Variants in ARRDC5 observed in about 807,000 individuals in gnomAD.
ARRDC5 encodes the protein arrestin domain containing 5.
Under a neutral mutation model 13.3 loss-of-function variants are expected in ARRDC5, and 12 were observed. That is an observed-to-expected ratio of 0.90 (90% CI 0.58 to 1.46). The LOEUF (loss-of-function observed/expected upper bound fraction) is 1.46, where lower values mean the gene tolerates loss of function less well. ARRDC5 is among the 40% of genes most tolerant of loss of function. The probability of loss-of-function intolerance (pLI) is 0.00; values close to 1 mark genes in which losing one functional copy is unlikely to be tolerated. For synonymous variants in ARRDC5, 181 were observed against 173.4 expected (o/e 1.04, Z -0.34); for missense variants, 406 against 418.7 (o/e 0.97, Z 0.26).
the ARRDC5 span, among the ~76,000 whole-genome samples, chr19:4,914,414 T>G: frequency 1.3e-5 from 2 of 152,064 alleles, no homozygotes; most frequent in Non-Finnish European, 2.9e-5. Context: ...TTTCCCTGTT[T>G]AAAGAAACCT....
chr19:4,904,936 T>G (rs1226464808), upstream of ARRDC5, among the ~76,000 whole-genome samples: 1 of 152,118 alleles, frequency 6.6e-6, no homozygotes, highest in African/African-American at 2.4e-5. Context: ...GTACCCATTC[T>G]CTAGCCTGGC....
intron 2 of ARRDC5, among the ~76,000 whole-genome samples, chr19:4,895,952 G>A (rs1282886432): frequency 6.6e-6 from 1 of 152,214 alleles, no homozygotes; most frequent in African/African-American, 2.4e-5. Flanking sequence ...ATTGCCAAAT[G>A]TCCCTTATGG....
chr19:4,913,737 C>G, the ARRDC5 span, among the ~76,000 whole-genome samples: 1 of 151,206 alleles, frequency 6.6e-6, no homozygotes, highest in Non-Finnish European at 1.5e-5. Flanking sequence ...TGAAAAGATT[C>G]AGTGTTCCTG....
the ARRDC5 span, chr19:4,909,370 G>A: frequency 5.5e-5 from 34 of 614,082 alleles, no homozygotes; most frequent in South Asian, 5.5e-4. Context: ...GGACAGAGGC[G>A]GGGGCGCCCC....
At chr19:4,896,960 T>A in intron 1 of ARRDC5, 84 bp from the exon 2 acceptor site, 1 of 986,692 alleles carries the variant, frequency 1.0e-6, no homozygotes, top group Non-Finnish European at 1.5e-6. Context: ...TTTATTTTTA[T>A]ATTTATTTAT....
At chr19:4,912,165 G>A in the ARRDC5 span, among the ~76,000 whole-genome samples, 1 of 152,134 alleles carries the variant, frequency 6.6e-6, no homozygotes, top group African/African-American at 2.4e-5. Context: ...GCCCTGCCCC[G>A]GGAGGAGGCG....
At chr19:4,913,557 G>T in the ARRDC5 span, among the ~76,000 whole-genome samples, 23 of 151,834 alleles carry the variant, frequency 1.5e-4, no homozygotes, top group Admixed American at 2.6e-4. Context: ...ACCCAGCCAC[G>T]TACATTGTGC....
intron 1 of ARRDC5, among the ~76,000 whole-genome samples, chr19:4,897,992 T>C (rs1357325573): frequency 6.6e-6 from 1 of 151,918 alleles, no homozygotes; most frequent in Non-Finnish European, 1.5e-5. Flanking sequence ...GAGGCTGAGG[T>C]GGGAGGATAG....
rs532735899 is a variant in ARRDC5 at position 4,900,291 on chromosome 19, T to C, written c.253+2282A>G. Among the ~76,000 whole-genome samples the C allele has an allele frequency of 1.7e-4, 26 of 151,866 alleles. No homozygotes were observed. The South Asian group carries it at 5.4e-3, about 32-fold the overall frequency. ...GCTTCTTGAGCAGCTGTATTTTTTGTATTTTTAGTAGAGACGGGGTTTCAC... is the reference window on the plus strand; with the variant it reads ...GCTTCTTGAGCAGCTGTATTTTTTGCATTTTTAGTAGAGACGGGGTTTCAC... On this transcript the variant is annotated intron_variant, in intron 1 of 2. Coordinates refer to ENST00000650722, the MANE Select transcript of ARRDC5 (RefSeq NM_001080523.3).
the ARRDC5 span, chr19:4,909,436 GC>G: frequency 3.1e-6 from 2 of 651,406 alleles, no homozygotes; most frequent in South Asian, 1.6e-5. Flanking sequence ...GCAGGCGCCC[GC>G]CCCCGGCACG....
At chr19:4,893,403 G>A (rs2031584672) in intron 2 of ARRDC5, among the ~76,000 whole-genome samples, 1 of 149,536 alleles carries the variant, frequency 6.7e-6, no homozygotes, top group Non-Finnish European at 1.5e-5. Flanking sequence ...CTACTCAGGA[G>A]GCTGAGGCAG....
chr19:4,896,341 T>TAG (rs1404104273), intron 2 of ARRDC5, among the ~76,000 whole-genome samples: 1 of 78,880 alleles, frequency 1.3e-5, no homozygotes, highest in African/African-American at 7.0e-5. Context: ...TATATATATA[T>TAG]ATATATATTT....
intron 1 of ARRDC5, among the ~76,000 whole-genome samples, chr19:4,899,718 AG>A: frequency 6.9e-6 from 1 of 145,108 alleles, no homozygotes. Flanking sequence ...TCATGAGGTC[AG>A]GAGATCGAGA....
chr19:4,911,170 AAGG>A, the ARRDC5 span: 8 of 863,510 alleles, frequency 9.3e-6, no homozygotes, highest in African/African-American at 7.1e-5. Flanking sequence ...TCTCTCCCGG[AAGG>A]AGAAGTCCAC....
In ARRDC5 at chr19:4,890,917, T is replaced by C. The variant is rs960898877; in HGVS notation, c.*129A>G. 4.2e-6 allele frequency: 3 copies of C among 707,366 alleles called. No individual in the cohort carries two copies. Among genetic ancestry groups the C allele is most frequent in the Non-Finnish European group, 7.1e-6 (3 of 424,798 alleles). The allele number at this position is 707,366 out of a possible 1,614,324, so 43.8% of individuals were successfully genotyped here. A position where few individuals can be genotyped will look rare whatever the true frequency, so the allele number is the denominator to read the frequency against. On this transcript the variant is annotated 3_prime_UTR_variant, in exon 3 of 3. Coordinates refer to ENST00000650722, the MANE Select transcript of ARRDC5 (RefSeq NM_001080523.3). ...GGGGAGACACAGATACCTAAACCGC[T>C]AGAGCTTGGGGAGGTTGCAGACAAC... is the stretch of plus-strand genomic sequence containing the variant.
At chr19:4,892,149 G>A (rs976011164) in intron 2 of ARRDC5, among the ~76,000 whole-genome samples, 1 of 151,756 alleles carries the variant, frequency 6.6e-6, no homozygotes, top group African/African-American at 2.4e-5. Context: ...GTGGAGTGGC[G>A]TGATCTCGGC....
chr19:4,901,646 A>G (rs971353022), intron 1 of ARRDC5, among the ~76,000 whole-genome samples: 1 of 152,128 alleles, frequency 6.6e-6, no homozygotes, highest in African/African-American at 2.4e-5. Context: ...TAAGATACAA[A>G]TAAATAAATA....
In ARRDC5 at chr19:4,900,150, T is replaced by C. The variant is rs907407855; in HGVS notation, c.253+2423A>G. On this transcript the variant is annotated intron_variant, in intron 1 of 2. Transcript: ENST00000650722. ...TTTTTTTTCTGTTTCTTTCTTTTTT[T>C]TTTTTTTTTTTTTTTGAGACGGAGT... 3.6e-5 allele frequency among the ~76,000 whole-genome samples: 5 copies of C among 137,136 alleles called. 1 individual carries two copies. The highest frequency in any genetic ancestry group is 3.2e-5 in the Non-Finnish European group (2 of 62,900). 90.0% of individuals were successfully genotyped at this position (137,136 alleles called of 152,430 possible).
rs746306564 is a variant in ARRDC5 at position 4,896,782 on chromosome 19, G to A, written c.348C>T (p.Val116=). The A allele has an allele frequency of 6.2e-7, 1 of 1,613,768 alleles. No individual in the cohort carries two copies. The highest frequency in any genetic ancestry group is 1.1e-5 in the South Asian group (1 of 91,068). ...PSTFTSKFGH[V]FYFVQASCMG... is the part of the protein sequence containing the mutation. ...TGCAGGAAGCTTGTACGAAATAGAA[G>A]ACATGGCCAAATTTGCTGGTGAAGG... The change falls in exon 2 of 3, where the codon GTC becomes GTT. Residue 116 remains valine, a synonymous_variant. Transcript: ENST00000650722.
Sources: allele counts gnomAD v4.1 joint callset (sites outside exome capture counted in the v4.1 genomes callset), GRCh38; gene constraint gnomAD v4.1.1; transcripts MANE v1.5; gene names NCBI Gene and HGNC (gene_info 2026-07-23, HGNC 2026-07-21).